Variants in SNRNP25 observed in about 807,000 individuals in gnomAD.
The protein encoded by SNRNP25 is small nuclear ribonucleoprotein U11/U12 subunit 25.
In SNRNP25, 21 loss-of-function variants were observed where a neutral mutation model predicts 23.9. The observed-to-expected ratio is 0.88, with a 90% confidence interval of 0.62 to 1.27. The LOEUF (loss-of-function observed/expected upper bound fraction) is 1.27. SNRNP25 is among the 50% of genes most tolerant of loss of function. The pLI is 0.00. For missense variants in SNRNP25, 160 were observed against 156.9 expected, an observed-to-expected ratio of 1.02 and a Z score of -0.11; for synonymous variants, 63 against 60.4, an observed-to-expected ratio of 1.04 and a Z score of -0.20.
chr16:55,765 C>A lies in SNRNP25; in HGVS notation c.134-12C>A. 1 of 1,613,620 alleles carries A rather than the reference C, an allele frequency of 6.2e-7. No individual in the cohort carries two copies. The highest frequency in any genetic ancestry group is 8.5e-7 in the Non-Finnish European group (1 of 1,179,678). On this transcript the variant is annotated splice_polypyrimidine_tract_variant and intron_variant, in intron 2 of 4. Coordinates refer to ENST00000293861, the MANE Select transcript of SNRNP25 (RefSeq NM_024571.4). Reference sequence around the variant, plus strand: ...ACCATGGATCTTCTCCCATCTGTGTCCGTGGTTGCAGCCGTGGTTGTAGTG... The same window carrying A: ...ACCATGGATCTTCTCCCATCTGTGTACGTGGTTGCAGCCGTGGTTGTAGTG...
At position 57,120 on chromosome 16, in the gene SNRNP25, A is replaced by T; in HGVS notation, c.349A>T (p.Ile117Phe). Residue 117 changes from isoleucine (I) to phenylalanine (F), a missense_variant, in exon 5 of 5, where the codon ATC (isoleucine) becomes TTC (phenylalanine). Coordinates refer to ENST00000293861, the MANE Select transcript of SNRNP25 (RefSeq NM_024571.4). Reference sequence around the variant, plus strand: ...CCGGAATCGAGACGAGGTTTCCTTCATCAAAAAGCTGAGGCAAAAGTGAGC... The same window carrying T: ...CCGGAATCGAGACGAGGTTTCCTTCTTCAAAAAGCTGAGGCAAAAGTGAGC... ...GIRNRDEVSFIKKLRQK is the reference protein window; with the variant it reads ...GIRNRDEVSFFKKLRQK The T allele has an allele frequency of 6.2e-7, 1 of 1,614,076 alleles. No homozygotes were observed.
At chr16:55,170 A>G in intron 1 of SNRNP25, 1 of 384,382 alleles carries the variant, frequency 2.6e-6, no homozygotes, top group Non-Finnish European at 4.9e-6. Context: ...GTGAACTGAC[A>G]GGCCTCTACC....
At chr16:55,118 C>G (rs985678598) in intron 1 of SNRNP25, 8 of 245,788 alleles carry the variant, frequency 3.3e-5, no homozygotes, top group African/African-American at 1.1e-4. Context: ...TACTCAGTCC[C>G]GAAGCCTGGC....
At chr16:55,202 ATG>A in intron 1 of SNRNP25, 1 of 435,658 alleles carries the variant, frequency 2.3e-6, no homozygotes, top group South Asian at 2.1e-5. Context: ...GCAGGTCCTC[ATG>A]TGAGTTTATT....
chr16:57,431 C>G lies in SNRNP25; in HGVS notation c.*288C>G, dbSNP rs190724242. ...GCCTGGCCCACTGTATAAAATAAAC[C>G]TGTTTGCTTCTTAGTTTGAAAAGTA... On this transcript the variant is annotated 3_prime_UTR_variant, in exon 5 of 5. Transcript: ENST00000293861. 291 of 463,630 alleles carry G rather than the reference C, an allele frequency of 6.3e-4. 2 individuals are homozygous for G. The highest frequency in any genetic ancestry group is 5.0e-3 in the African/African-American group (259 of 51,976). The allele number at this position is 463,630 out of a possible 1,614,324, so 28.7% of individuals were successfully genotyped here.
rs567382329 is a variant in SNRNP25 at position 55,386 on chromosome 16, G to A, written c.43-73G>A. The A allele has an allele frequency of 3.8e-4, 531 of 1,407,898 alleles. 9 individuals carry two copies. The South Asian group carries it at 5.5e-3, about 15-fold the overall frequency. 87.2% of individuals were successfully genotyped at this position (1,407,898 alleles called of 1,614,324 possible). On this transcript the variant is annotated intron_variant, in intron 1 of 4. Transcript: ENST00000293861. ...GGAGCACCACTTTTTGGCCACTATC[G>A]GCTTGTTCTTTGTTGTTGCTCAAGG...
In SNRNP25 at chr16:56,473, G is replaced by A. The variant is rs372830289; in HGVS notation, c.240-66G>A. 22 of 1,517,212 alleles carry A rather than the reference G, an allele frequency of 1.5e-5. No individual in the cohort carries two copies. The East Asian group carries it at 2.3e-4, about 16-fold the overall frequency. The allele number at this position is 1,517,212 out of a possible 1,614,324, so 94.0% of individuals were successfully genotyped here. On this transcript the variant is annotated intron_variant, in intron 3 of 4. Coordinates refer to ENST00000293861, the MANE Select transcript of SNRNP25 (RefSeq NM_024571.4). Reference sequence around the variant, plus strand: ...ATAGGACTGCATGCCTCAAGCCCACGTCATGCAGAGCCACTCAGCTCACCC... The same window carrying A: ...ATAGGACTGCATGCCTCAAGCCCACATCATGCAGAGCCACTCAGCTCACCC...
chr16:57,013 A>G (rs751255119), intron 4 of SNRNP25, 73 bp from the exon 5 acceptor site: 14 of 1,547,750 alleles, frequency 9.0e-6, no homozygotes, highest in Non-Finnish European at 1.2e-5. Context: ...GTGGTCCTCC[A>G]CAGCCTCAGG....
rs1341963413 is a variant in SNRNP25, at chr16:57,430, C to T, written c.*287C>T. 1.3e-5 allele frequency: 6 copies of T among 469,912 alleles called. No homozygotes were observed. The highest frequency in any genetic ancestry group is 3.7e-5 in the South Asian group (1 of 27,314). The allele number at this position is 469,912 out of a possible 1,614,324, so 29.1% of individuals were successfully genotyped here. ...GGCCTGGCCCACTGTATAAAATAAA[C>T]CTGTTTGCTTCTTAGTTTGAAAAGT... On this transcript the variant is annotated 3_prime_UTR_variant, in exon 5 of 5. Transcript: ENST00000293861.
chr16:57,508 G>A lies in SNRNP25; in HGVS notation c.*365G>A, dbSNP rs1897429243. ...AGACTGAGATTGCCCCATCACAGAG[G>A]TGAGTTAAGGGGAGAGAATTGGTAC... On this transcript the variant is annotated 3_prime_UTR_variant, in exon 5 of 5. Coordinates refer to ENST00000293861, the MANE Select transcript of SNRNP25 (RefSeq NM_024571.4). 1 of 304,076 alleles carries A rather than the reference G, an allele frequency of 3.3e-6. No individual in the cohort carries two copies. Among genetic ancestry groups the A allele is most frequent in the African/African-American group, 2.1e-5 (1 of 47,692 alleles). 18.8% of individuals were successfully genotyped at this position (304,076 alleles called of 1,614,324 possible).
chr16:55,649 G>C lies in SNRNP25; in HGVS notation c.133+100G>C, dbSNP rs868351380. 235 of 1,546,544 alleles carry C rather than the reference G, an allele frequency of 1.5e-4. 2 individuals are homozygous for C. The Middle Eastern group carries it at 9.8e-3, about 64-fold the overall frequency. On this transcript the variant is annotated intron_variant, in intron 2 of 4. Transcript: ENST00000293861. Reference sequence around the variant, plus strand: ...GCCTGCTCAGAAACTCACAGGCCATGCCCAGGGGTACTGGGGCAACCACAA... The same window carrying C: ...GCCTGCTCAGAAACTCACAGGCCATCCCCAGGGGTACTGGGGCAACCACAA...
Position 55,555 on chromosome 16 carries a change from T to G in SNRNP25, c.133+6T>G. ...GATGGATGGAGAAGTAATGCGTAAG[T>G]GCTACCCTCCTCCCTTCAGGTTATG... On this transcript the variant is annotated splice_donor_region_variant and intron_variant, in intron 2 of 4. Transcript: ENST00000293861. 1 of 1,613,834 alleles carries G rather than the reference T, an allele frequency of 6.2e-7. No individual in the cohort carries two copies.
Position 55,818 on chromosome 16 carries a change from A to G in SNRNP25, c.175A>G (p.Lys59Glu). ...VQSATVLDLKKAIQRYVQLKQ... is the reference protein window; with the variant it reads ...VQSATVLDLKEAIQRYVQLKQ... Reference sequence around the variant, plus strand: ...GAGTGCCACAGTCCTGGACCTGAAGAAGGCCATCCAGAGATACGTGCAGCT... The same window carrying G: ...GAGTGCCACAGTCCTGGACCTGAAGGAGGCCATCCAGAGATACGTGCAGCT... Residue 59 changes from lysine to glutamate, a missense_variant, in exon 3 of 5, where the codon AAG becomes GAG. Lys to Glu is a moderately conservative substitution (Grantham distance 56). Coordinates refer to ENST00000293861, the MANE Select transcript of SNRNP25 (RefSeq NM_024571.4). 6.2e-7 allele frequency: 1 copy of G among 1,614,166 alleles called. No homozygotes were observed. Among genetic ancestry groups the G allele is most frequent in the Non-Finnish European group, 8.5e-7 (1 of 1,180,018 alleles).
intron 1 of SNRNP25, among the ~76,000 whole-genome samples, chr16:54,269 C>T (rs1270551244): frequency 6.6e-6 from 1 of 152,226 alleles, no homozygotes; most frequent in Non-Finnish European, 1.5e-5. Context: ...TAGTGAGTGA[C>T]ATCAAATGAC....
At chr16:56,948 C>T in intron 4 of SNRNP25, 138 bp from the exon 5 acceptor site, 1 of 751,800 alleles carries the variant, frequency 1.3e-6, no homozygotes, top group Non-Finnish European at 2.0e-6. Context: ...AGAGGATGGC[C>T]ACTGCACTTC....
intron 3 of SNRNP25, 25 bp from the exon 4 acceptor site, chr16:56,514 G>A: frequency 6.2e-7 from 1 of 1,612,742 alleles, no homozygotes; most frequent in South Asian, 1.1e-5. Flanking sequence ...AGGGCACGTG[G>A]TTTACCTGCA....
At position 55,937 on chromosome 16, in the gene SNRNP25, T is replaced by A. The variant is rs897498201; in HGVS notation, c.239+55T>A. 11 of 1,502,368 alleles carry A rather than the reference T, an allele frequency of 7.3e-6. No individual in the cohort carries two copies. The African/African-American group carries it at 1.5e-4, about 21-fold the overall frequency. 93.1% of individuals were successfully genotyped at this position (1,502,368 alleles called of 1,614,324 possible). ...GCCCTTCGTGGGGCTAGTGCCCTTCTTGGCACTGTCACCAGGCACCACCTG... is the reference window on the plus strand; with the variant it reads ...GCCCTTCGTGGGGCTAGTGCCCTTCATGGCACTGTCACCAGGCACCACCTG... On this transcript the variant is annotated intron_variant, in intron 3 of 4. Transcript: ENST00000293861.
chr16:55,533 G>C lies in SNRNP25; in HGVS notation c.117G>C (p.Met39Ile), dbSNP rs1897395660. 1 of 1,614,042 alleles carries C rather than the reference G, an allele frequency of 6.2e-7. No homozygotes were observed. The highest frequency in any genetic ancestry group is 8.5e-7 in the Non-Finnish European group (1 of 1,180,038). The part of the protein sequence containing the change: ...GQAMTVRVCK[M>I]DGEVMPVVVV... ...CAATGACGGTCCGAGTGTGCAAGAT[G>C]GATGGAGAAGTAATGCGTAAGTGCT... Residue 39 changes from methionine (M) to isoleucine (I), a missense_variant, in exon 2 of 5, where the codon ATG becomes ATC. By Grantham distance (10) the Met-to-Ile change is conservative. Transcript: ENST00000293861.
chr16:56,101 T>C lies in SNRNP25; in HGVS notation c.239+219T>C, dbSNP rs2141837951. On this transcript the variant is annotated intron_variant, in intron 3 of 4. Coordinates refer to ENST00000293861, the MANE Select transcript of SNRNP25 (RefSeq NM_024571.4). ...CCTGCCTCGGCCATCCCCAACATTCTGCTCTTCCATCGGCATCACCCCATC... is the reference window on the plus strand; with the variant it reads ...CCTGCCTCGGCCATCCCCAACATTCCGCTCTTCCATCGGCATCACCCCATC... The C allele has an allele frequency of 6.5e-6, 4 of 619,780 alleles. No individual in the cohort carries two copies. In the East Asian group the frequency reaches 1.1e-4, roughly 17 times the overall value. 38.4% of individuals were successfully genotyped at this position (619,780 alleles called of 1,614,324 possible).
Sources: allele counts gnomAD v4.1 joint callset (sites outside exome capture counted in the v4.1 genomes callset), GRCh38; gene constraint gnomAD v4.1.1; transcripts MANE v1.5; gene names NCBI Gene and HGNC (gene_info 2026-07-23, HGNC 2026-07-21).